Variants in EFTUD2 observed in about 807,000 individuals in gnomAD.
The protein encoded by EFTUD2 is elongation factor Tu GTP binding domain containing 2.
Under a neutral mutation model 114.3 loss-of-function variants are expected in EFTUD2, and 9 were observed. The ratio of observed to expected loss-of-function variants is 0.08; its 90% CI spans 0.05 to 0.14. The LOEUF (loss-of-function observed/expected upper bound fraction) is 0.14. EFTUD2 is among the 10% of genes least tolerant of loss of function. EFTUD2 has a pLI of 1.00. For synonymous variants in EFTUD2, 449 were observed against 462.3 expected (o/e 0.97, Z 0.37); for missense variants, 765 against 1,241.2 (o/e 0.62, Z 5.76).
At chr17:44,887,722 T>C (rs1383304832) in intron 2 of EFTUD2, among the ~76,000 whole-genome samples, 1 of 152,188 alleles carries the variant, frequency 6.6e-6, no homozygotes, top group African/African-American at 2.4e-5. Flanking sequence ...AGTTTTTTTC[T>C]GAGATAATGG....
chr17:44,862,796 C>T lies in EFTUD2; in HGVS notation c.1524G>A (p.Lys508=), dbSNP rs1178513192. The change falls in exon 16 of 28, where the codon AAG becomes AAA. Residue 508 remains lysine (K), a synonymous_variant. Coordinates refer to ENST00000426333, the MANE Select transcript of EFTUD2 (RefSeq NM_004247.4). ...SGTIHAGQPV[K]VLGENYTLED... ...CCAGGGTGTAGTTCTCCCCCAGTAC[C>T]TTCACAGGCTGCCCAGCATGAATGG... 1 of 1,614,174 alleles carries T rather than the reference C, an allele frequency of 6.2e-7. No homozygotes were observed. Among genetic ancestry groups the T allele is most frequent in the South Asian group, 1.1e-5 (1 of 91,080 alleles).
At chr17:44,881,888 G>T in intron 6 of EFTUD2, 166 bp from the exon 7 acceptor site, 1 of 618,530 alleles carries the variant, frequency 1.6e-6, no homozygotes, top group Non-Finnish European at 2.9e-6. Flanking sequence ...TGAGACCAGT[G>T]CCCTCCCAGC....
At chr17:44,864,822 A>G (rs2050716595) in intron 14 of EFTUD2, 108 bp downstream of exon 14, 1 of 1,505,870 alleles carries the variant, frequency 6.6e-7, no homozygotes, top group African/African-American at 1.4e-5. Context: ...GTTTGTTGAA[A>G]AGATCCTCAG....
intron 9 of EFTUD2, among the ~76,000 whole-genome samples, chr17:44,878,193 A>G (rs1467098231): frequency 6.6e-6 from 1 of 152,212 alleles, no homozygotes; most frequent in African/African-American, 2.4e-5. Context: ...ATTTGCAACT[A>G]TTGTAGGAAC....
chr17:44,854,817 C>A lies in EFTUD2; in HGVS notation c.2132+101G>T. 6.4e-7 allele frequency: 1 copy of A among 1,567,340 alleles called. No individual in the cohort carries two copies. Among genetic ancestry groups the A allele is most frequent in the Non-Finnish European group, 8.8e-7 (1 of 1,140,486 alleles). ...CCCAGAACAAGAGCAAAGGCAAAGACATAAATGCTCCCCAGAAAGATGTGT... is the reference window on the plus strand; with the variant it reads ...CCCAGAACAAGAGCAAAGGCAAAGAAATAAATGCTCCCCAGAAAGATGTGT... On this transcript the variant is annotated intron_variant, in intron 21 of 27. Coordinates refer to ENST00000426333, the MANE Select transcript of EFTUD2 (RefSeq NM_004247.4). The surrounding 1 kb of genome is among the most constrained non-coding windows in gnomAD (Gnocchi z 4.3).
intron 4 of EFTUD2, 135 bp downstream of exon 4, chr17:44,885,121 C>T (rs1214341107): frequency 1.7e-5 from 12 of 687,084 alleles, no homozygotes; most frequent in Admixed American, 2.4e-5. Flanking sequence ...AGCAGCCACA[C>T]AAGCTGAAGG....
At chr17:44,888,596 G>A (rs2051218483) in intron 2 of EFTUD2, among the ~76,000 whole-genome samples, 1 of 152,232 alleles carries the variant, frequency 6.6e-6, no homozygotes, top group Non-Finnish European at 1.5e-5. Flanking sequence ...TGGGAACTGG[G>A]AAGGTGGTGA....
intron 11 of EFTUD2, among the ~76,000 whole-genome samples, chr17:44,871,629 G>C (rs947666629): frequency 6.6e-6 from 1 of 152,120 alleles, no homozygotes; most frequent in Admixed American, 6.5e-5. Context: ...GTGAGCCACC[G>C]CGCCTGGCCA....
intron 9 of EFTUD2, among the ~76,000 whole-genome samples, chr17:44,876,354 A>T: frequency 6.6e-6 from 1 of 152,220 alleles, no homozygotes; most frequent in East Asian, 1.9e-4. Context: ...TCAGTGCTAA[A>T]GAAGGAACTA....
At chr17:44,852,216 C>A (rs2050467807) in intron 26 of EFTUD2, among the ~76,000 whole-genome samples, 193 bp downstream of exon 26, 1 of 151,948 alleles carries the variant, frequency 6.6e-6, no homozygotes, top group Non-Finnish European at 1.5e-5. Flanking sequence ...CATAGCCGGC[C>A]CTATTATTTC....
At chr17:44,873,594 T>A (rs1350637303) in intron 10 of EFTUD2, among the ~76,000 whole-genome samples, 2 of 152,034 alleles carry the variant, frequency 1.3e-5, no homozygotes, top group Non-Finnish European at 2.9e-5. Context: ...TCAAGCAATA[T>A]CCTGCTTGGC....
At chr17:44,875,664 T>C in intron 10 of EFTUD2, 1 of 263,848 alleles carries the variant, frequency 3.8e-6, no homozygotes, top group Non-Finnish European at 7.2e-6. Context: ...TGAGCTGTGA[T>C]TGTGACACTG....
At chr17:44,897,861 G>A (rs549101026) in intron 1 of EFTUD2, among the ~76,000 whole-genome samples, 30 of 152,104 alleles carry the variant, frequency 2.0e-4, no homozygotes, top group South Asian at 6.2e-4. Flanking sequence ...CACCGCACCC[G>A]GCCACATTTT....
chr17:44,884,531 AAG>A (rs1207993821), intron 4 of EFTUD2, among the ~76,000 whole-genome samples: 2 of 150,682 alleles, frequency 1.3e-5, no homozygotes, highest in African/African-American at 2.4e-5. Context: ...AAAAAAAAAA[AAG>A]AGAGAGAGAG....
chr17:44,894,838 G>A lies in EFTUD2; in HGVS notation c.-4-313C>T, dbSNP rs8069039. 0.15 allele frequency among the ~76,000 whole-genome samples: 23,044 copies of A among 152,206 alleles called. 1,955 individuals carry two copies. Among genetic ancestry groups the A allele is most frequent in the Middle Eastern group, 0.28 (81 of 292 alleles). ...GCTCCGCCGTACAGAGATGGGGCGT[G>A]GGGGGCGCTCCAAAGCCAAAAGAGG... On this transcript the variant is annotated intron_variant, in intron 1 of 27. Coordinates refer to ENST00000426333, the MANE Select transcript of EFTUD2 (RefSeq NM_004247.4).
intron 4 of EFTUD2, chr17:44,884,027 G>A (rs546447014): frequency 7.7e-5 from 26 of 339,204 alleles, no homozygotes; most frequent in African/African-American, 5.0e-4. Context: ...AGCACTTTGG[G>A]AGGCCGAGGT....
chr17:44,872,698 C>T lies in EFTUD2; in HGVS notation c.870-128G>A, dbSNP rs542782144. On this transcript the variant is annotated intron_variant, in intron 10 of 27. Coordinates refer to ENST00000426333, the MANE Select transcript of EFTUD2 (RefSeq NM_004247.4). Reference sequence around the variant, plus strand: ...TCGGAAGGGACTTGTGCAAGACACTCAGTTTTGCCAACAGCCTGGTCCAAG... The same window carrying T: ...TCGGAAGGGACTTGTGCAAGACACTTAGTTTTGCCAACAGCCTGGTCCAAG... 6 of 1,217,434 alleles carry T rather than the reference C, an allele frequency of 4.9e-6. No homozygotes were observed. In the African/African-American group the frequency reaches 9.4e-5, roughly 19 times the overall value. 75.4% of individuals were successfully genotyped at this position (1,217,434 alleles called of 1,614,324 possible).
intron 11 of EFTUD2, among the ~76,000 whole-genome samples, chr17:44,871,352 T>G (rs569335168): frequency 6.6e-6 from 1 of 150,786 alleles, no homozygotes; most frequent in South Asian, 2.1e-4. Flanking sequence ...AATTTTTTTT[T>G]TTTTTGAGAT....
At chr17:44,852,596 C>A (rs1464061088) in intron 25 of EFTUD2, 34 bp from the exon 26 acceptor site, 3 of 1,609,278 alleles carry the variant, frequency 1.9e-6, no homozygotes, top group African/African-American at 2.7e-5. Flanking sequence ...AGCCTCTAGT[C>A]AAACATAGGC....
Sources: gnomAD v4.1 joint callset for allele counts (sites outside exome capture counted in the v4.1 genomes callset) on GRCh38, gnomAD v4.1.1 for gene constraint, Gnocchi (gnomAD v3.1) non-coding constraint, MANE v1.5 for transcripts, NCBI Gene and HGNC (gene_info 2026-07-23, HGNC 2026-07-21) for gene names.